The following OPCML variants were observed in gnomAD, a reference collection of about 807,000 sequenced individuals.
OPCML encodes the protein opioid binding protein/cell adhesion molecule like.
In OPCML, 13 loss-of-function variants were observed where a neutral mutation model predicts 37.8. The observed-to-expected ratio is 0.34, with a 90% CI of 0.22 to 0.55. OPCML has a LOEUF of 0.55. OPCML is among the 20% of genes least tolerant of loss of function. The probability of loss-of-function intolerance (pLI) is 0.91; values close to 1 mark genes in which losing one functional copy is unlikely to be tolerated. For synonymous variants in OPCML, 176 were observed against 168.8 expected, an observed-to-expected ratio of 1.04 and a Z score of -0.33; for missense variants, 341 against 435.6, an observed-to-expected ratio of 0.78 and a Z score of 1.93.
At chr11:133,295,892 T>C (rs1288716302) in intron 1 of OPCML, among the ~76,000 whole-genome samples, 1 of 152,262 alleles carries the variant, frequency 6.6e-6, no homozygotes, top group Admixed American at 6.5e-5. Context: ...ATATTTCATA[T>C]ACATTTGCAC....
At chr11:132,610,490 T>G (rs2137839424) in intron 3 of OPCML, among the ~76,000 whole-genome samples, 1 of 152,178 alleles carries the variant, frequency 6.6e-6, no homozygotes, top group South Asian at 2.1e-4. Flanking sequence ...CAAAGTGCAG[T>G]TATTTGTATC....
In OPCML at chr11:133,310,506, T is replaced by C. The variant is rs540527264; in HGVS notation, c.61+221758A>G. Reference sequence around the variant, plus strand: ...ATGGCATAAGGTCAGGTGATATATATTCCCCTCACCATTTCTTAGAGAATG... The same window carrying C: ...ATGGCATAAGGTCAGGTGATATATACTCCCCTCACCATTTCTTAGAGAATG... On this transcript the variant is annotated intron_variant, in intron 1 of 7. Transcript: ENST00000524381. Among the ~76,000 whole-genome samples, 7 of 152,288 alleles carry C rather than the reference T, an allele frequency of 4.6e-5. No individual in the cohort carries two copies. In the South Asian group the frequency reaches 1.5e-3, roughly 32 times the overall value.
At chr11:132,448,279 C>T (rs931498513) in intron 4 of OPCML, among the ~76,000 whole-genome samples, 7 of 152,124 alleles carry the variant, frequency 4.6e-5, no homozygotes, top group African/African-American at 9.7e-5. Context: ...GCATCACAGC[C>T]GTTTAACAAT....
intron 1 of OPCML, among the ~76,000 whole-genome samples, chr11:133,204,870 A>G (rs2602811): frequency 0.1 from 1,041 of 10,216 alleles, 18 homozygotes; most frequent in African/African-American, 0.4. Context: ...ATATATGTGT[A>G]TATATATATA....
chr11:132,696,492 A>C (rs1387248967), intron 2 of OPCML, among the ~76,000 whole-genome samples: 1 of 152,216 alleles, frequency 6.6e-6, no homozygotes, highest in Non-Finnish European at 1.5e-5. Context: ...GAGATTTAAG[A>C]TGATACTATA....
intron 2 of OPCML, among the ~76,000 whole-genome samples, chr11:132,924,033 G>C (rs1056946044): frequency 8.6e-5 from 13 of 151,894 alleles, no homozygotes; most frequent in Admixed American, 3.9e-4. Context: ...AAAGTGCTGA[G>C]ATTACAGGTG....
At position 133,121,026 on chromosome 11, in the gene OPCML, G is replaced by A. The variant is rs183802516; in HGVS notation, c.62-178016C>T. 1.5e-4 allele frequency among the ~76,000 whole-genome samples: 23 copies of A among 152,260 alleles called. No individual in the cohort carries two copies. In the East Asian group the frequency reaches 3.5e-3, roughly 23 times the overall value. ...CAACCTCTGCTTCCTGGGTTCAAGC[G>A]ATTCTCATGCCTTAGCCTCCCAAGT... is the stretch of plus-strand genomic sequence containing the variant. On this transcript the variant is annotated intron_variant, in intron 1 of 7. Transcript: ENST00000524381.
intron 2 of OPCML, among the ~76,000 whole-genome samples, chr11:132,670,192 T>C (rs995429863): frequency 6.6e-6 from 1 of 152,220 alleles, no homozygotes; most frequent in African/African-American, 2.4e-5. Flanking sequence ...TGGAAAAGTA[T>C]AAATTAAAAT....
chr11:132,797,249 A>C (rs1217074776), intron 2 of OPCML, among the ~76,000 whole-genome samples: 1 of 152,228 alleles, frequency 6.6e-6, no homozygotes, highest in Non-Finnish European at 1.5e-5. Flanking sequence ...TCATACATGC[A>C]GGTCTGTGAT....
chr11:132,488,565 TC>T (rs1186125719), intron 4 of OPCML, among the ~76,000 whole-genome samples: 6 of 152,222 alleles, frequency 3.9e-5, no homozygotes, highest in African/African-American at 1.4e-4. Context: ...GGCTGGAAGT[TC>T]CTCTGGGAGT....
intron 3 of OPCML, among the ~76,000 whole-genome samples, chr11:132,531,950 C>T (rs2096326574): frequency 6.6e-6 from 1 of 152,008 alleles, no homozygotes; most frequent in Admixed American, 6.6e-5. Context: ...ATCCTAGAGG[C>T]TCCCTGATAG....
At chr11:133,418,561 C>G in intron 1 of OPCML, 2 of 660,324 alleles carry the variant, frequency 3.0e-6, no homozygotes, top group African/African-American at 3.9e-5. Flanking sequence ...TATCTTGCTT[C>G]TAACCTCCAA....
chr11:132,691,446 G>C (rs188135206), intron 2 of OPCML, among the ~76,000 whole-genome samples: 1 of 152,328 alleles, frequency 6.6e-6, no homozygotes, highest in African/African-American at 2.4e-5. Context: ...GTCAACTTCT[G>C]TGTTATTTCT....
rs192201395 is a variant in OPCML, at chr11:132,862,052, G to A, written c.146+80874C>T. Among the ~76,000 whole-genome samples the A allele has an allele frequency of 7.2e-5, 11 of 152,118 alleles. No homozygotes were observed. In the East Asian group the frequency reaches 2.1e-3, roughly 29 times the overall value. On this transcript the variant is annotated intron_variant, in intron 2 of 7. Coordinates refer to ENST00000524381, the MANE Select transcript of OPCML (RefSeq NM_001012393.5). ...ACATCTTCAATTTGCATGTTTACCA[G>A]CCTTTAAATTTAGAATGATGTTCTG...
chr11:133,307,033 T>C (rs527285674), intron 1 of OPCML, among the ~76,000 whole-genome samples: 1 of 152,198 alleles, frequency 6.6e-6, no homozygotes, highest in Admixed American at 6.5e-5. Flanking sequence ...AACTTGGTAA[T>C]ATGATACAGA....
intron 1 of OPCML, chr11:133,420,159 A>G (rs1945856057): frequency 1.7e-6 from 1 of 571,522 alleles, no homozygotes; most frequent in African/African-American, 2.0e-5. Context: ...AATTAAATAT[A>G]TACACACATA....
chr11:132,874,591 C>T (rs150352866), intron 2 of OPCML, among the ~76,000 whole-genome samples: 377 of 152,236 alleles, frequency 2.5e-3, no homozygotes, highest in Non-Finnish European at 3.4e-3. Flanking sequence ...ACTAGTCTCT[C>T]CCTGCTGTTG....
intron 3 of OPCML, among the ~76,000 whole-genome samples, chr11:132,594,525 T>C (rs1430147878): frequency 6.6e-6 from 1 of 152,186 alleles, no homozygotes; most frequent in Non-Finnish European, 1.5e-5. Flanking sequence ...CATTCAACCC[T>C]TTTGTAATAA....
chr11:133,340,719 C>T (rs1388955833), intron 1 of OPCML, among the ~76,000 whole-genome samples: 1 of 150,220 alleles, frequency 6.7e-6, no homozygotes, highest in African/African-American at 2.5e-5. Context: ...TACTTTAGCC[C>T]GTGAATTAAG....
Sources: gnomAD v4.1 joint callset for allele counts (sites outside exome capture counted in the v4.1 genomes callset) on GRCh38, gnomAD v4.1.1 for gene constraint, MANE v1.5 for transcripts, NCBI Gene and HGNC (gene_info 2026-07-23, HGNC 2026-07-21) for gene names.